Variants in PDE4D observed in about 807,000 individuals in gnomAD.
PDE4D encodes the protein 3',5'-cyclic-AMP phosphodiesterase 4D.
A neutral mutation model predicts 87.4 loss-of-function variants in PDE4D; 24 were observed. The ratio of observed to expected loss-of-function variants is 0.27; its 90% CI spans 0.20 to 0.39. The LOEUF is 0.39. Among genes scored for constraint, PDE4D ranks in the 10% least tolerant of loss-of-function variants. PDE4D has a pLI of 1.00. For synonymous variants in PDE4D, 384 were observed against 383.2 expected (o/e 1.00, Z -0.02); for missense variants, 714 against 1,041.0 (o/e 0.69, Z 4.32).
chr5:59,740,908 A>T (rs1758737656), intron 1 of PDE4D, among the ~76,000 whole-genome samples: 1 of 152,200 alleles, frequency 6.6e-6, no homozygotes, highest in Non-Finnish European at 1.5e-5. Context: ...TCATTTCTAC[A>T]TAACTGCTTC....
At chr5:60,154,521 G>A (rs957901628) in intron 2 of PDE4D, among the ~76,000 whole-genome samples, 3 of 152,074 alleles carry the variant, frequency 2.0e-5, no homozygotes, top group African/African-American at 7.2e-5. Flanking sequence ...TGATCCATCC[G>A]CCTCAGCCCC....
intron 1 of PDE4D, among the ~76,000 whole-genome samples, chr5:59,653,197 C>CA (rs1030161341): frequency 4.2e-5 from 5 of 118,276 alleles, no homozygotes; most frequent in Non-Finnish European, 7.0e-5. Flanking sequence ...ATAATGTTAG[C>CA]AAAAAAAAAA....
chr5:59,180,413 A>C, intron 5 of PDE4D, 182 bp downstream of exon 5: 1 of 719,572 alleles, frequency 1.4e-6, no homozygotes, highest in Non-Finnish European at 2.5e-6. Flanking sequence ...ATCGGTAAAA[A>C]TGTTCCAAAT....
intron 1 of PDE4D, among the ~76,000 whole-genome samples, chr5:60,236,547 A>T (rs1746454996): frequency 6.6e-6 from 1 of 151,934 alleles, no homozygotes; most frequent in South Asian, 2.1e-4. Flanking sequence ...AAATGTCTAC[A>T]CCCAATCCTC....
intron 1 of PDE4D, among the ~76,000 whole-genome samples, chr5:59,728,155 C>T (rs190517641): frequency 1.3e-4 from 20 of 152,126 alleles, no homozygotes; most frequent in African/African-American, 4.6e-4. Context: ...GGCTTAGACA[C>T]GTTAAATGTC....
At chr5:59,774,443 T>G (rs1423570586) in intron 1 of PDE4D, among the ~76,000 whole-genome samples, 1 of 152,128 alleles carries the variant, frequency 6.6e-6, no homozygotes, top group Non-Finnish European at 1.5e-5. Context: ...GTTTCTAGAT[T>G]TCATTGAACA....
intron 1 of PDE4D, among the ~76,000 whole-genome samples, chr5:59,257,509 T>C (rs1442243588): frequency 6.6e-6 from 1 of 152,046 alleles, no homozygotes; most frequent in Non-Finnish European, 1.5e-5. Flanking sequence ...CAATATTACA[T>C]TCTTTGGGAA....
At chr5:59,567,352 G>A (rs1304122371) in intron 1 of PDE4D, among the ~76,000 whole-genome samples, 1 of 152,166 alleles carries the variant, frequency 6.6e-6, no homozygotes, top group African/African-American at 2.4e-5. Context: ...TCAACATGTA[G>A]TTCTTTGGTG....
chr5:59,983,484 C>A (rs1762123546), intron 3 of PDE4D, among the ~76,000 whole-genome samples: 1 of 152,068 alleles, frequency 6.6e-6, no homozygotes, highest in African/African-American at 2.4e-5. Context: ...TAACAAAATA[C>A]TCATGTCTAG....
At chr5:60,305,676 C>T (rs923954155) in intron 1 of PDE4D, among the ~76,000 whole-genome samples, 3 of 147,166 alleles carry the variant, frequency 2.0e-5, no homozygotes, top group Non-Finnish European at 3.0e-5. Flanking sequence ...AAAAATCCTG[C>T]AAGATTCCAG....
At chr5:59,813,431 CA>C (rs1183998463) in intron 1 of PDE4D, among the ~76,000 whole-genome samples, 1 of 140,574 alleles carries the variant, frequency 7.1e-6, no homozygotes, top group Non-Finnish European at 1.5e-5. Context: ...TCAATTTTCA[CA>C]AGCATACACT....
At chr5:59,632,333 G>A (rs1328599755) in intron 1 of PDE4D, among the ~76,000 whole-genome samples, 2 of 152,164 alleles carry the variant, frequency 1.3e-5, no homozygotes, top group African/African-American at 4.8e-5. Context: ...AGACTTAAAT[G>A]TTCCTGCCTG....
chr5:59,935,079 G>C lies in PDE4D; in HGVS notation c.272+53409C>G, dbSNP rs1207426617. ...AAGAAGTATATGAATTCTGGTTTTT[G>C]ACATGTTGAGTTTAAAGGGCTGTGA... On this transcript the variant is annotated intron_variant, in intron 3 of 16. Transcript: ENST00000502484. Among the ~76,000 whole-genome samples, 8 of 152,130 alleles carry C rather than the reference G, an allele frequency of 5.3e-5. No individual in the cohort carries two copies. The East Asian group carries it at 1.5e-3, about 29-fold the overall frequency.
intron 2 of PDE4D, among the ~76,000 whole-genome samples, chr5:60,172,725 A>T (rs1045979548): frequency 6.6e-6 from 1 of 152,098 alleles, no homozygotes; most frequent in Non-Finnish European, 1.5e-5. Context: ...TACAGGGACA[A>T]TTGGTAGTCC....
chr5:59,326,885 A>AC, intron 1 of PDE4D, among the ~76,000 whole-genome samples: 1 of 152,152 alleles, frequency 6.6e-6, no homozygotes, highest in South Asian at 2.1e-4. Context: ...TAATGACTTC[A>AC]TCATTTCCCC....
chr5:59,744,129 C>T (rs1759261958), intron 1 of PDE4D, among the ~76,000 whole-genome samples: 1 of 152,124 alleles, frequency 6.6e-6, no homozygotes, highest in African/African-American at 2.4e-5. Flanking sequence ...TCTTACCAGT[C>T]CTACCATCTG....
chr5:59,534,687 G>A (rs533280873), intron 1 of PDE4D, among the ~76,000 whole-genome samples: 3 of 152,302 alleles, frequency 2.0e-5, no homozygotes, highest in African/African-American at 7.2e-5. Flanking sequence ...AGGATTTTGG[G>A]TTATTGGTAG....
intron 2 of PDE4D, among the ~76,000 whole-genome samples, chr5:60,124,296 A>G (rs1004567940): frequency 6.6e-6 from 1 of 152,150 alleles, no homozygotes; most frequent in African/African-American, 2.4e-5. Context: ...GAACTTCCTC[A>G]GATTATTTCT....
intron 2 of PDE4D, among the ~76,000 whole-genome samples, chr5:60,055,331 G>A (rs1300720928): frequency 1.3e-5 from 2 of 152,042 alleles, no homozygotes; most frequent in Non-Finnish European, 2.9e-5. Context: ...CAAGGAGCAA[G>A]GAAAGAAAGT....
Sources: allele counts gnomAD v4.1 joint callset (sites outside exome capture counted in the v4.1 genomes callset), GRCh38; gene constraint gnomAD v4.1.1; transcripts MANE v1.5; gene names NCBI Gene and HGNC (gene_info 2026-07-23, HGNC 2026-07-21).